Variants in NELL2 observed in about 807,000 individuals in gnomAD.
NELL2 encodes protein kinase C-binding protein NELL2.
In NELL2, 41 loss-of-function variants were observed where a neutral mutation model predicts 109.6. The observed-to-expected ratio is 0.37, with a 90% CI of 0.29 to 0.49. NELL2 has a LOEUF of 0.49. NELL2 is among the 20% of genes least tolerant of loss of function. The pLI is 0.98. For missense variants in NELL2, 900 were observed against 1,008.3 expected, an observed-to-expected ratio of 0.89 and a Z score of 1.45; for synonymous variants, 355 against 344.7, an observed-to-expected ratio of 1.03 and a Z score of -0.33.
intron 9 of NELL2, among the ~76,000 whole-genome samples, chr12:44,758,202 T>C (rs1422893550): frequency 2.0e-5 from 3 of 152,154 alleles, no homozygotes; most frequent in African/African-American, 7.2e-5. Context: ...ATTTGGGGAA[T>C]TTTTTATCCT....
chr12:44,815,226 A>T (rs1943303495), intron 3 of NELL2, among the ~76,000 whole-genome samples: 1 of 152,202 alleles, frequency 6.6e-6, no homozygotes, highest in African/African-American at 2.4e-5. Context: ...CCTGTCTCAC[A>T]TATGACAAAG....
At chr12:44,677,503 G>A (rs546874248) in intron 12 of NELL2, among the ~76,000 whole-genome samples, 21 of 152,168 alleles carry the variant, frequency 1.4e-4, no homozygotes, top group African/African-American at 4.3e-4. Flanking sequence ...CATACACATA[G>A]GGGCATATGT....
intron 2 of NELL2, among the ~76,000 whole-genome samples, chr12:44,869,738 T>C (rs1204766045): frequency 6.6e-6 from 1 of 152,178 alleles, no homozygotes; most frequent in Non-Finnish European, 1.5e-5. Flanking sequence ...CTTTTGATAT[T>C]TCTGAGGCAC....
intron 12 of NELL2, among the ~76,000 whole-genome samples, chr12:44,669,913 T>C (rs141657640): frequency 4.6e-5 from 7 of 152,298 alleles, no homozygotes; most frequent in African/African-American, 1.2e-4. Flanking sequence ...GATTCCCAGA[T>C]AGCTGTAATT....
At chr12:44,763,967 C>G (rs1941227428) in intron 9 of NELL2, among the ~76,000 whole-genome samples, 1 of 152,160 alleles carries the variant, frequency 6.6e-6, no homozygotes, top group Admixed American at 6.5e-5. Context: ...CAATCTTTCT[C>G]AGCAGAACCA....
At chr12:44,752,929 G>C (rs2136530548) in intron 9 of NELL2, among the ~76,000 whole-genome samples, 1 of 152,236 alleles carries the variant, frequency 6.6e-6, no homozygotes, top group Admixed American at 6.5e-5. Context: ...CAGAAAATAA[G>C]ATTTCAGGTC....
At chr12:44,607,088 T>C (rs1464780800) in intron 15 of NELL2, 81 bp downstream of exon 15, 3 of 1,254,712 alleles carry the variant, frequency 2.4e-6, no homozygotes, top group Non-Finnish European at 2.2e-6. Flanking sequence ...CACTTGAAAC[T>C]TGAAACATTA....
intron 13 of NELL2, among the ~76,000 whole-genome samples, chr12:44,651,446 T>G (rs12812414): frequency 0.45 from 68,053 of 151,970 alleles, 15,528 homozygotes; most frequent in East Asian, 0.7. Flanking sequence ...ATTAAACTTC[T>G]AGATTTTAAA....
Position 44,508,347 on chromosome 12 carries a change from A to AT in NELL2, c.*586dup, listed in dbSNP as rs1240700456. 2 of 152,660 alleles carry AT rather than the reference A, an allele frequency of 1.3e-5. No individual in the cohort carries two copies. Among genetic ancestry groups the AT allele is most frequent in the Non-Finnish European group, 2.9e-5 (2 of 68,056 alleles). 9.5% of individuals were successfully genotyped at this position (152,660 alleles called of 1,614,324 possible). On this transcript the variant is annotated 3_prime_UTR_variant, in exon 20 of 20. Coordinates refer to ENST00000429094, the MANE Select transcript of NELL2 (RefSeq NM_001145108.2). ...GCTTATACTGAACAAATTCAACCAA[A>AT]TAATATTAAGTGCAGTAAAACAAGG...
intron 9 of NELL2, among the ~76,000 whole-genome samples, chr12:44,748,928 T>C (rs1261654355): frequency 1.3e-5 from 2 of 152,140 alleles, no homozygotes; most frequent in Non-Finnish European, 2.9e-5. Context: ...TGCATTATAG[T>C]GAATTTGCAC....
chr12:44,898,295 A>G (rs369809813), intron 1 of NELL2, among the ~76,000 whole-genome samples: 3 of 152,150 alleles, frequency 2.0e-5, no homozygotes, highest in Non-Finnish European at 4.4e-5. Flanking sequence ...CCTGACCCCA[A>G]TGCCTCCTGA....
intron 13 of NELL2, 111 bp from the exon 14 acceptor site, chr12:44,611,081 T>G: frequency 9.9e-7 from 1 of 1,014,668 alleles, no homozygotes; most frequent in South Asian, 1.5e-5. Context: ...ACCACAGACA[T>G]AACAAATTAT....
chr12:44,694,546 C>CACACACAT (rs1476792585), intron 12 of NELL2, among the ~76,000 whole-genome samples: 1 of 151,726 alleles, frequency 6.6e-6, no homozygotes, highest in Non-Finnish European at 1.5e-5. Flanking sequence ...CACACACACA[C>CACACACAT]ACACATCCTG....
At chr12:44,757,673 A>G (rs1644743476) in intron 9 of NELL2, among the ~76,000 whole-genome samples, 1 of 152,218 alleles carries the variant, frequency 6.6e-6, no homozygotes, top group African/African-American at 2.4e-5. Flanking sequence ...ACCATTGAGA[A>G]TAATATGGTA....
chr12:44,720,209 T>C (rs1191760458), intron 9 of NELL2, among the ~76,000 whole-genome samples: 1 of 152,190 alleles, frequency 6.6e-6, no homozygotes, highest in African/African-American at 2.4e-5. Flanking sequence ...TTTTCATCTT[T>C]CTTATCTCAG....
intron 1 of NELL2, among the ~76,000 whole-genome samples, chr12:44,883,968 C>T (rs528100364): frequency 2.0e-5 from 3 of 151,802 alleles, no homozygotes; most frequent in South Asian, 2.1e-4. Context: ...AAAATCCAAA[C>T]GAGTCAATAA....
chr12:44,863,417 C>G (rs1364428742), intron 2 of NELL2, among the ~76,000 whole-genome samples: 1 of 151,830 alleles, frequency 6.6e-6, no homozygotes, highest in Non-Finnish European at 1.5e-5. Context: ...GTAAAAGAAC[C>G]AAATCACATA....
intron 15 of NELL2, among the ~76,000 whole-genome samples, chr12:44,571,532 T>A (rs1943871771): frequency 1.3e-5 from 2 of 152,206 alleles, no homozygotes; most frequent in Non-Finnish European, 2.9e-5. Flanking sequence ...TGGGAAGTGA[T>A]GTTATCTTGT....
chr12:44,602,844 C>T (rs980131703), intron 15 of NELL2, among the ~76,000 whole-genome samples: 3 of 151,914 alleles, frequency 2.0e-5, no homozygotes, highest in Non-Finnish European at 4.4e-5. Flanking sequence ...GAAAAATGTG[C>T]TAATTTGGCC....
Sources: allele counts gnomAD v4.1 joint callset (sites outside exome capture counted in the v4.1 genomes callset), GRCh38; gene constraint gnomAD v4.1.1; transcripts MANE v1.5; gene names NCBI Gene and HGNC (gene_info 2026-07-23, HGNC 2026-07-21).